The following RALGPS1 variants were observed in gnomAD, a reference collection of about 807,000 sequenced individuals.
RALGPS1 encodes ras-specific guanine nucleotide-releasing factor RalGPS1.
Under a neutral mutation model 78.8 loss-of-function variants are expected in RALGPS1, and 19 were observed. The ratio of observed to expected loss-of-function variants is 0.24; its 90% CI spans 0.17 to 0.35. The LOEUF (loss-of-function observed/expected upper bound fraction) is 0.35. Among genes scored for constraint, RALGPS1 ranks in the 10% least tolerant of loss-of-function variants. RALGPS1 has a pLI of 1.00. For synonymous variants in RALGPS1, 228 were observed against 256.3 expected, an observed-to-expected ratio of 0.89 and a Z score of 1.06; for missense variants, 454 against 688.3, an observed-to-expected ratio of 0.66 and a Z score of 3.81.
chr9:126,981,714 T>A lies in RALGPS1; in HGVS notation c.216+3969T>A, dbSNP rs1284847738. 2.0e-5 allele frequency among the ~76,000 whole-genome samples: 3 copies of A among 152,220 alleles called. No homozygotes were observed. In the East Asian group the frequency reaches 5.8e-4, roughly 29 times the overall value. ...GTTTTATATATGAGGAAGCTAGAGC[T>A]CAGACATGTTAAGTATTATAACTTA... On this transcript the variant is annotated intron_variant, in intron 4 of 18. Coordinates refer to ENST00000259351, the MANE Select transcript of RALGPS1 (RefSeq NM_014636.3).
intron 2 of RALGPS1, among the ~76,000 whole-genome samples, chr9:126,962,931 C>A (rs2039045324): frequency 6.6e-6 from 1 of 152,184 alleles, no homozygotes; most frequent in South Asian, 2.1e-4. Flanking sequence ...TTGGCAAGGC[C>A]ATACCAGGGT....
chr9:126,922,615 A>G (rs933798855), intron 1 of RALGPS1, among the ~76,000 whole-genome samples: 9 of 152,190 alleles, frequency 5.9e-5, no homozygotes, highest in African/African-American at 2.2e-4. Context: ...TAGGCACCAT[A>G]TCTCTAACAC....
rs1248848603 is a variant in RALGPS1, at chr9:127,221,475, CTCTCTCCCT to C, written c.*2707_*2715del. On this transcript the variant is annotated 3_prime_UTR_variant, in exon 19 of 19. Transcript: ENST00000259351. The stretch of plus-strand genomic sequence containing the variant: ...CATTGTTGTCTCAAGAACAACTCAC[CTCTCTCCCT>C]AGGACTAATTTTTGTCTCTCTCAGT... The C allele has an allele frequency of 6.6e-6, 1 of 152,184 alleles. No individual in the cohort carries two copies. Among genetic ancestry groups the C allele is most frequent in the Admixed American group, 6.5e-5 (1 of 15,276 alleles). The allele number at this position is 152,184 out of a possible 1,614,324, so 9.4% of individuals were successfully genotyped here.
chr9:127,203,880 A>G (rs2061783801), intron 14 of RALGPS1, among the ~76,000 whole-genome samples: 1 of 152,140 alleles, frequency 6.6e-6, no homozygotes, highest in Non-Finnish European at 1.5e-5. Flanking sequence ...TGGCCTGTGA[A>G]TCATGCACCA....
At chr9:127,181,089 T>A (rs2060188923) in intron 11 of RALGPS1, among the ~76,000 whole-genome samples, 1 of 152,234 alleles carries the variant, frequency 6.6e-6, no homozygotes, top group Non-Finnish European at 1.5e-5. Context: ...GCCTTACTGC[T>A]GCCACACTCT....
rs1344977083 is a variant in RALGPS1 at position 127,205,608 on chromosome 9, C to T, written c.1248-6523C>T. On this transcript the variant is annotated intron_variant, in intron 14 of 18. Coordinates refer to ENST00000259351, the MANE Select transcript of RALGPS1 (RefSeq NM_014636.3). This position sits in a 1 kb window ranked among gnomAD's most constrained non-coding sequence, Gnocchi z 4.0. ...CCAATATCTACAATTCCTCCAGAGTCAGCACCTAGAAAGCGGGCAGGACGC... is the reference window on the plus strand; with the variant it reads ...CCAATATCTACAATTCCTCCAGAGTTAGCACCTAGAAAGCGGGCAGGACGC... Among the ~76,000 whole-genome samples the T allele has an allele frequency of 6.6e-6, 1 of 152,248 alleles. No homozygotes were observed. The highest frequency in any genetic ancestry group is 1.5e-5 in the Non-Finnish European group (1 of 68,044).
rs544039092 is a variant in RALGPS1 at position 127,035,565 on chromosome 9, A to C, written c.300+1051A>C. Reference sequence around the variant, plus strand: ...TGGCCCTCTGGGTGATGGGGCCTGGATTCCCTTTGGGCCCTCTCTCCAGCT... The same window carrying C: ...TGGCCCTCTGGGTGATGGGGCCTGGCTTCCCTTTGGGCCCTCTCTCCAGCT... On this transcript the variant is annotated intron_variant, in intron 5 of 18. Coordinates refer to ENST00000259351, the MANE Select transcript of RALGPS1 (RefSeq NM_014636.3). 9.2e-5 allele frequency among the ~76,000 whole-genome samples: 14 copies of C among 152,264 alleles called. No individual in the cohort carries two copies. In the South Asian group the frequency reaches 2.5e-3, roughly 27 times the overall value.
intron 8 of RALGPS1, among the ~76,000 whole-genome samples, chr9:127,092,286 G>A (rs930603424): frequency 6.6e-6 from 1 of 152,174 alleles, no homozygotes; most frequent in Non-Finnish European, 1.5e-5. Flanking sequence ...GCATTCCTCA[G>A]ACAAATCTCT....
chr9:127,031,334 A>G (rs2046416425), intron 4 of RALGPS1, among the ~76,000 whole-genome samples: 1 of 152,274 alleles, frequency 6.6e-6, no homozygotes, highest in Non-Finnish European at 1.5e-5. Flanking sequence ...GACCAAACAC[A>G]GAAGAGGAAC....
intron 8 of RALGPS1, among the ~76,000 whole-genome samples, chr9:127,075,791 T>A (rs2050621805): frequency 2.0e-5 from 3 of 152,258 alleles, no homozygotes; most frequent in Non-Finnish European, 4.4e-5. Flanking sequence ...GGCTTTATTT[T>A]TGTAACAATT....
At chr9:126,970,505 C>T (rs2039998891) in intron 3 of RALGPS1, among the ~76,000 whole-genome samples, 1 of 152,144 alleles carries the variant, frequency 6.6e-6, no homozygotes, top group African/African-American at 2.4e-5. Context: ...TGAAACCAGG[C>T]AACTAGGGGG....
intron 4 of RALGPS1, among the ~76,000 whole-genome samples, chr9:127,014,576 T>A (rs1160462319): frequency 6.6e-6 from 1 of 152,216 alleles, no homozygotes; most frequent in Non-Finnish European, 1.5e-5. Context: ...AATGAAATTA[T>A]TATCTCATAA....
chr9:127,198,827 G>A (rs1257017225), intron 13 of RALGPS1, among the ~76,000 whole-genome samples, 188 bp from the exon 14 acceptor site: 1 of 152,192 alleles, frequency 6.6e-6, no homozygotes, highest in Non-Finnish European at 1.5e-5. Context: ...TGGAACAGTG[G>A]TTCTTTGACC....
intron 8 of RALGPS1, among the ~76,000 whole-genome samples, chr9:127,081,344 C>A (rs571636367): frequency 1.4e-4 from 22 of 152,212 alleles, no homozygotes; most frequent in Admixed American, 2.6e-4. Context: ...CTTGCCTCTG[C>A]TTCCTGAATA....
In RALGPS1 at chr9:127,066,219, C is replaced by T. The variant is rs141073503; in HGVS notation, c.484-3011C>T. On this transcript the variant is annotated intron_variant, in intron 7 of 18. Transcript: ENST00000259351. ...CCTGGGAGCCAGCTTGGCCCAGGCA[C>T]AGTGTGTGTGAGGAGGACATCCAGA... 7.5e-3 allele frequency among the ~76,000 whole-genome samples: 1,139 copies of T among 152,328 alleles called. 9 individuals carry two copies. The highest frequency in any genetic ancestry group is 0.011 in the Non-Finnish European group (771 of 68,034).
intron 1 of RALGPS1, among the ~76,000 whole-genome samples, chr9:126,953,161 T>C (rs770158163): frequency 1.5e-4 from 23 of 152,274 alleles, no homozygotes; most frequent in Middle Eastern, 3.4e-3. Context: ...AGGTTGCATA[T>C]GGGATTTTCC....
Position 127,168,857 on chromosome 9 carries a change from T to C in RALGPS1, c.842+85T>C, listed in dbSNP as rs948332444. 13 of 1,141,972 alleles carry C rather than the reference T, an allele frequency of 1.1e-5. No individual in the cohort carries two copies. The African/African-American group carries it at 2.0e-4, about 17-fold the overall frequency. 70.7% of individuals were successfully genotyped at this position (1,141,972 alleles called of 1,614,324 possible). ...AGGTCCCTGCAAGTGGCCTAGCCCT[T>C]GTTGGGACCAGTGAGTAGCCACCTG... On this transcript the variant is annotated intron_variant, in intron 10 of 18. Transcript: ENST00000259351.
At chr9:126,962,714 C>T (rs902106349) in intron 2 of RALGPS1, among the ~76,000 whole-genome samples, 1 of 152,176 alleles carries the variant, frequency 6.6e-6, no homozygotes, top group African/African-American at 2.4e-5. Context: ...CCAACTGGCC[C>T]TGGGTTCTTA....
chr9:127,147,665 C>T (rs557666383), intron 8 of RALGPS1, among the ~76,000 whole-genome samples: 2 of 152,098 alleles, frequency 1.3e-5, no homozygotes, highest in African/African-American at 4.8e-5. Context: ...TTTTGTCAGC[C>T]GTGTTGAAGA....
Sources: gnomAD v4.1 joint callset for allele counts (sites outside exome capture counted in the v4.1 genomes callset) on GRCh38, gnomAD v4.1.1 for gene constraint, Gnocchi (gnomAD v3.1) non-coding constraint, MANE v1.5 for transcripts, NCBI Gene and HGNC (gene_info 2026-07-23, HGNC 2026-07-21) for gene names.